UMAD1: variants seen among roughly 807,000 people sequenced by gnomAD.
UMAD1 encodes the protein UBAP1-MVB12-associated (UMA)-domain containing protein 1.
UMAD1 carries 8 observed loss-of-function variants against 6.1 expected under a neutral mutation model. The observed-to-expected ratio is 1.30, with a 90% CI of 0.76 to 2.35. UMAD1 has a LOEUF of 2.35. UMAD1 is among the 30% of genes most tolerant of loss of function. The pLI is 0.00. For synonymous variants in UMAD1, 56 were observed against 31.4 expected (o/e 1.78, Z -2.61); for missense variants, 130 against 78.4 (o/e 1.66, Z -2.49).
At chr7:7,815,763 A>T (rs1783113777) in intron 3 of UMAD1, among the ~76,000 whole-genome samples, 1 of 152,196 alleles carries the variant, frequency 6.6e-6, no homozygotes, top group Non-Finnish European at 1.5e-5. Context: ...TAAGGAGCCT[A>T]CTTTAGCTTG....
chr7:7,765,504 A>G (rs568747009), intron 2 of UMAD1, among the ~76,000 whole-genome samples: 67 of 152,180 alleles, frequency 4.4e-4, no homozygotes, highest in Non-Finnish European at 7.8e-4. Flanking sequence ...TAATATTACA[A>G]TTCTAAAATT....
intron 2 of UMAD1, among the ~76,000 whole-genome samples, chr7:7,719,610 A>G (rs1049611316): frequency 6.6e-6 from 1 of 152,136 alleles, no homozygotes; most frequent in Non-Finnish European, 1.5e-5. Flanking sequence ...TTTTTCAGAG[A>G]GTTGAGCTAT....
At chr7:7,699,277 A>G (rs1053072056) in intron 2 of UMAD1, among the ~76,000 whole-genome samples, 1 of 152,090 alleles carries the variant, frequency 6.6e-6, no homozygotes, top group African/African-American at 2.4e-5. Flanking sequence ...AACAGATTTA[A>G]TTTTTAGTTT....
At chr7:7,666,816 A>G (rs1242118785) in intron 1 of UMAD1, among the ~76,000 whole-genome samples, 1 of 151,476 alleles carries the variant, frequency 6.6e-6, no homozygotes, top group Non-Finnish European at 1.5e-5. Flanking sequence ...TTATTTATTT[A>G]TTGTTTGAGA....
At chr7:7,837,092 C>T (rs1783586121) in intron 3 of UMAD1, among the ~76,000 whole-genome samples, 1 of 151,888 alleles carries the variant, frequency 6.6e-6, no homozygotes, top group South Asian at 2.1e-4. Context: ...AAAAGACTGC[C>T]TTAAAGGAAT....
chr7:7,788,921 TCTGTAA>T (rs1382743493), intron 2 of UMAD1, among the ~76,000 whole-genome samples: 2 of 152,230 alleles, frequency 1.3e-5, no homozygotes, highest in African/African-American at 4.8e-5. Context: ...TTCTCCATAA[TCTGTAA>T]CTGTGCTTCA....
intron 3 of UMAD1, among the ~76,000 whole-genome samples, chr7:7,850,484 T>C (rs34915489): frequency 0.49 from 74,056 of 151,888 alleles, 19,082 homozygotes; most frequent in African/African-American, 0.65. Flanking sequence ...TTATCTTGAA[T>C]GTCTTTTATT....
chr7:7,772,180 A>G lies in UMAD1; in HGVS notation c.83-29490A>G, dbSNP rs748197260. On this transcript the variant is annotated intron_variant, in intron 2 of 3. Transcript: ENST00000682710. ...TAGCTATTATTAGATTTCCAGTAAT[A>G]GCTAAACCTTTGTGTTTTAGTTGCA... Among the ~76,000 whole-genome samples the G allele has an allele frequency of 6.4e-4, 98 of 152,236 alleles. 1 individual carries two copies. Among genetic ancestry groups the G allele is most frequent in the South Asian group, 8.3e-4 (4 of 4,834 alleles).
At chr7:7,748,680 G>A (rs572909299) in intron 2 of UMAD1, among the ~76,000 whole-genome samples, 45 of 151,990 alleles carry the variant, frequency 3.0e-4, no homozygotes, top group Middle Eastern at 3.4e-3. Flanking sequence ...CTTCATTCCT[G>A]TTAAAATACA....
chr7:7,833,160 C>T (rs932973163), intron 3 of UMAD1, among the ~76,000 whole-genome samples: 13 of 152,126 alleles, frequency 8.5e-5, no homozygotes, highest in South Asian at 4.2e-4. Context: ...GGAGGCACTG[C>T]GTGGTTTTGA....
At chr7:7,665,465 C>T (rs1354649234) in intron 1 of UMAD1, among the ~76,000 whole-genome samples, 1 of 152,122 alleles carries the variant, frequency 6.6e-6, no homozygotes, top group East Asian at 1.9e-4. Flanking sequence ...ACAATTTTCC[C>T]AATAATTGTG....
At chr7:7,766,611 C>T (rs1320166508) in intron 2 of UMAD1, among the ~76,000 whole-genome samples, 2 of 152,186 alleles carry the variant, frequency 1.3e-5, no homozygotes, top group Admixed American at 1.3e-4. Context: ...TCTACAGTTT[C>T]TCCAAAGTGT....
In UMAD1 at chr7:7,830,509, C is replaced by T. The variant is rs540025478; in HGVS notation, c.156+28766C>T. Among the ~76,000 whole-genome samples the T allele has an allele frequency of 2.6e-5, 4 of 151,738 alleles. No homozygotes were observed. The highest frequency in any genetic ancestry group is 5.9e-5 in the Non-Finnish European group (4 of 67,866). On this transcript the variant is annotated intron_variant, in intron 3 of 3. Transcript: ENST00000682710. This position sits in a 1 kb window ranked among gnomAD's most constrained non-coding sequence, Gnocchi z 5.3. ...ATCTTTCTCTTTCTTTTCCCTTTTT[C>T]GTTTCTTTTCTTTCTTTTAACATGC...
chr7:7,685,082 A>T (rs1024612180), intron 2 of UMAD1, among the ~76,000 whole-genome samples: 2 of 152,200 alleles, frequency 1.3e-5, no homozygotes, highest in Non-Finnish European at 2.9e-5. Context: ...TATATTAAAG[A>T]TATAGATAAT....
intron 2 of UMAD1, among the ~76,000 whole-genome samples, chr7:7,750,041 T>A (rs1781648845): frequency 6.6e-6 from 1 of 152,138 alleles, no homozygotes; most frequent in African/African-American, 2.4e-5. Flanking sequence ...ACTGCTAGAA[T>A]GGTGAGAAGC....
chr7:7,681,392 T>A (rs565274241), intron 2 of UMAD1, among the ~76,000 whole-genome samples: 1 of 152,236 alleles, frequency 6.6e-6, no homozygotes, highest in East Asian at 1.9e-4. Context: ...CTTGTTTTGG[T>A]AATAGGAATA....
intron 2 of UMAD1, among the ~76,000 whole-genome samples, chr7:7,746,993 GTGTA>G (rs1215019432): frequency 3.3e-5 from 5 of 151,986 alleles, no homozygotes; most frequent in Non-Finnish European, 5.9e-5. Context: ...GTGTGTCTGT[GTGTA>G]TGTGTGTGAA....
intron 2 of UMAD1, chr7:7,687,292 T>C (rs1205280270): frequency 6.6e-6 from 1 of 152,246 alleles, no homozygotes; most frequent in Non-Finnish European, 1.5e-5. Context: ...CATTACATTG[T>C]TGCAGGAGAT....
rs1310355263 is a variant in UMAD1 at position 7,841,486 on chromosome 7, TAG to T, written c.157-35792_157-35791del. Among the ~76,000 whole-genome samples, 5 of 152,202 alleles carry T rather than the reference TAG, an allele frequency of 3.3e-5. 1 individual carries two copies. Among genetic ancestry groups the T allele is most frequent in the African/African-American group, 1.2e-4 (5 of 41,558 alleles). Reference sequence around the variant, plus strand: ...ACTCGGCTAATTTTTGTATTTTTTGTAGAGTTGGGTTCTCCTTATGTTGCTCA... The same window carrying T: ...ACTCGGCTAATTTTTGTATTTTTTGTAGTTGGGTTCTCCTTATGTTGCTCA... On this transcript the variant is annotated intron_variant, in intron 3 of 3. Coordinates refer to ENST00000682710, the MANE Select transcript of UMAD1 (RefSeq NM_001302348.2).
Sources: gnomAD v4.1 joint callset for allele counts (sites outside exome capture counted in the v4.1 genomes callset) on GRCh38, gnomAD v4.1.1 for gene constraint, Gnocchi (gnomAD v3.1) non-coding constraint, MANE v1.5 for transcripts, NCBI Gene and HGNC (gene_info 2026-07-23, HGNC 2026-07-21) for gene names.